The following COL21A1 variants were observed in gnomAD, a reference collection of about 807,000 sequenced individuals.
The protein encoded by COL21A1 is collagen type XXI alpha 1 chain.
In COL21A1, 149 loss-of-function variants were observed where a neutral mutation model predicts 137.9. The observed-to-expected ratio is 1.08, with a 90% confidence interval of 0.95 to 1.24. The LOEUF (loss-of-function observed/expected upper bound fraction) is 1.24. Ranked by LOEUF, COL21A1 falls within the 50% of genes most tolerant of loss-of-function variation. The probability of loss-of-function intolerance (pLI) is 0.00; values close to 1 mark genes in which losing one functional copy is unlikely to be tolerated. For synonymous variants in COL21A1, 456 were observed against 391.5 expected (o/e 1.16, Z -1.95); for missense variants, 1,167 against 1,158.4 (o/e 1.01, Z -0.11).
intron 1 of COL21A1, among the ~76,000 whole-genome samples, chr6:56,270,981 C>T (rs1432955636): frequency 6.6e-6 from 1 of 152,170 alleles, no homozygotes; most frequent in African/African-American, 2.4e-5. Flanking sequence ...CAGACTAATA[C>T]AGGAAATTTG....
intron 16 of COL21A1, among the ~76,000 whole-genome samples, chr6:56,102,491 T>C (rs1297587164): frequency 6.6e-6 from 1 of 152,088 alleles, no homozygotes; most frequent in East Asian, 1.9e-4. Flanking sequence ...GAAAGCAAGA[T>C]AGGAGGTAAA....
At chr6:56,242,051 A>G (rs2152325501) in intron 1 of COL21A1, among the ~76,000 whole-genome samples, 1 of 152,296 alleles carries the variant, frequency 6.6e-6, no homozygotes, top group Non-Finnish European at 1.5e-5. Flanking sequence ...GAACACTAAC[A>G]AGGAATGTTC....
intron 1 of COL21A1, among the ~76,000 whole-genome samples, chr6:56,353,080 C>T (rs1202148740): frequency 6.6e-6 from 1 of 152,078 alleles, no homozygotes; most frequent in East Asian, 1.9e-4. Context: ...CAGATCGTGA[C>T]TCTAGTGGTT....
At chr6:56,363,328 G>A (rs747088791) in intron 1 of COL21A1, among the ~76,000 whole-genome samples, 14 of 152,084 alleles carry the variant, frequency 9.2e-5, no homozygotes, top group Non-Finnish European at 1.3e-4. Flanking sequence ...CACACTTATC[G>A]TCTATTTTAA....
chr6:56,237,444 A>C (rs1781978375), intron 1 of COL21A1, among the ~76,000 whole-genome samples: 1 of 152,204 alleles, frequency 6.6e-6, no homozygotes, highest in Admixed American at 6.5e-5. Flanking sequence ...AAACACATTT[A>C]GGTTTTAAAT....
chr6:56,171,802 A>T (rs562094288), intron 3 of COL21A1, among the ~76,000 whole-genome samples: 189 of 151,988 alleles, frequency 1.2e-3, no homozygotes, highest in African/African-American at 4.4e-3. Context: ...TCTTAAGAAT[A>T]ATCATTAGCA....
At position 56,180,089 on chromosome 6, in the gene COL21A1, A is replaced by G. The variant is rs765179196; in HGVS notation, c.129T>C (p.Asp43=). 1 of 1,613,446 alleles carries G rather than the reference A, an allele frequency of 6.2e-7. No individual in the cohort carries two copies. Among genetic ancestry groups the G allele is most frequent in the South Asian group, 1.1e-5 (1 of 91,030 alleles). The change falls in exon 3 of 30, where the codon GAT becomes GAC. Residue 43 remains aspartate (D), a synonymous_variant. Coordinates refer to ENST00000244728, the MANE Select transcript of COL21A1 (RefSeq NM_030820.4). The part of the protein sequence containing the change: ...TAPTDLVFIL[D]GSYSVGPENF... ...TTTCTGGGCCAACACTATAAGAGCC[A>G]TCTAAGATGAAAACTAAATCTGTCG... is the stretch of plus-strand genomic sequence containing the variant.
chr6:56,129,623 C>T (rs1053151111), intron 12 of COL21A1, among the ~76,000 whole-genome samples: 1 of 150,152 alleles, frequency 6.7e-6, no homozygotes, highest in Non-Finnish European at 1.5e-5. Context: ...ATAATTGCTT[C>T]CTCTGTCACG....
chr6:56,086,575 T>C (rs1768267664), intron 17 of COL21A1, among the ~76,000 whole-genome samples: 2 of 152,118 alleles, frequency 1.3e-5, no homozygotes, highest in Admixed American at 6.6e-5. Context: ...ACCCTCATCA[T>C]CTTCATGTTA....
At chr6:56,347,808 A>G (rs1048940135) in intron 1 of COL21A1, among the ~76,000 whole-genome samples, 1 of 152,206 alleles carries the variant, frequency 6.6e-6, no homozygotes, top group Non-Finnish European at 1.5e-5. Context: ...GAGAACCAAA[A>G]CCAAAAAATA....
intron 1 of COL21A1, among the ~76,000 whole-genome samples, chr6:56,356,329 TG>T (rs1229981240): frequency 6.6e-6 from 1 of 152,214 alleles, no homozygotes; most frequent in East Asian, 1.9e-4. Flanking sequence ...CATTCCTGGT[TG>T]GGGGCGGGGA....
intron 17 of COL21A1, among the ~76,000 whole-genome samples, chr6:56,098,420 TAAATATATAA>T (rs1769886607): frequency 1.8e-4 from 1 of 5,640 alleles, no homozygotes; most frequent in East Asian, 6.3e-3. Context: ...TATAAATATA[TAAATATATAA>T]ATATATATAA....
At chr6:56,232,530 C>A (rs1351027616) in intron 1 of COL21A1, among the ~76,000 whole-genome samples, 1 of 151,874 alleles carries the variant, frequency 6.6e-6, no homozygotes, top group Non-Finnish European at 1.5e-5. Context: ...TCTCCTATCT[C>A]ATTGTTCACT....
chr6:56,183,456 G>A (rs1384867238), intron 1 of COL21A1, among the ~76,000 whole-genome samples: 1 of 152,204 alleles, frequency 6.6e-6, no homozygotes, highest in Non-Finnish European at 1.5e-5. Context: ...CAAAGCTGGT[G>A]TAACAGATTG....
chr6:56,153,438 T>G (rs1487886753), intron 10 of COL21A1, among the ~76,000 whole-genome samples: 1 of 152,116 alleles, frequency 6.6e-6, no homozygotes, highest in Admixed American at 6.5e-5. Context: ...TTCTTTTGCC[T>G]CATTTTCATC....
chr6:56,271,709 GCT>G (rs1456113122), intron 1 of COL21A1, among the ~76,000 whole-genome samples: 1 of 152,306 alleles, frequency 6.6e-6, no homozygotes, highest in East Asian at 1.9e-4. Context: ...GGAAAAAATT[GCT>G]CTGTGGGCTT....
intron 1 of COL21A1, among the ~76,000 whole-genome samples, chr6:56,266,442 C>T (rs192654903): frequency 1.6e-4 from 25 of 152,238 alleles, no homozygotes; most frequent in African/African-American, 5.5e-4. Flanking sequence ...TGCTTTCACA[C>T]TGTAGTAGCA....
intron 17 of COL21A1, among the ~76,000 whole-genome samples, chr6:56,088,099 C>G (rs1428894837): frequency 6.6e-6 from 1 of 152,152 alleles, no homozygotes. Flanking sequence ...CACAGTGGCT[C>G]ACACCTGTAA....
intron 1 of COL21A1, among the ~76,000 whole-genome samples, chr6:56,255,662 GATGC>G (rs1782952046): frequency 6.6e-6 from 1 of 152,170 alleles, no homozygotes; most frequent in Non-Finnish European, 1.5e-5. Flanking sequence ...TACTTACAAG[GATGC>G]CAAGTTATTA....
Sources: allele counts gnomAD v4.1 joint callset (sites outside exome capture counted in the v4.1 genomes callset), GRCh38; gene constraint gnomAD v4.1.1; transcripts MANE v1.5; gene names NCBI Gene and HGNC (gene_info 2026-07-23, HGNC 2026-07-21).